MED23: variants seen among roughly 807,000 people sequenced by gnomAD.
MED23 encodes the protein mediator of RNA polymerase II transcription subunit 23.
MED23 carries 105 observed loss-of-function variants against 163.9 expected under a neutral mutation model. The ratio of observed to expected loss-of-function variants is 0.64; its 90% confidence interval spans 0.55 to 0.75. The LOEUF (loss-of-function observed/expected upper bound fraction) is 0.75. MED23 is among the 30% of genes least tolerant of loss of function. MED23 has a pLI of 0.00. For missense variants in MED23, 1,054 were observed against 1,649.0 expected (o/e 0.64, Z 6.25); for synonymous variants, 561 against 565.6 (o/e 0.99, Z 0.12).
chr6:131,590,592 A>C, intron 26 of MED23, 150 bp from the exon 27 acceptor site: 3 of 530,240 alleles, frequency 5.7e-6, no homozygotes, highest in Non-Finnish European at 9.9e-6. Flanking sequence ...AATTAATCTC[A>C]CATCTCTCAC....
rs150938673 is a variant in MED23, at chr6:131,587,149, T to G, written c.*530A>C. 3.7e-4 allele frequency: 452 copies of G among 1,216,708 alleles called. 8 individuals carry two copies. The East Asian group carries it at 0.016, about 43-fold the overall frequency. The allele number at this position is 1,216,708 out of a possible 1,614,324, so 75.4% of individuals were successfully genotyped here. ...ATTTATAATAAAATTTCAAGTCATT[T>G]TAAAAAGAATATGAAGCCTTGTTTG... On this transcript the variant is annotated 3_prime_UTR_variant, in exon 29 of 29. Coordinates refer to ENST00000368068, the MANE Select transcript of MED23 (RefSeq NM_004830.4).
chr6:131,598,522 G>GCCAAATGGAATTGGCAAATT lies in MED23; in HGVS notation c.2426+33_2426+34insAATTTGCCAATTCCATTTGG. 1 of 1,613,516 alleles carries GCCAAATGGAATTGGCAAATT rather than the reference G, an allele frequency of 6.2e-7. No homozygotes were observed. The highest frequency in any genetic ancestry group is 8.5e-7 in the Non-Finnish European group (1 of 1,179,562). ...CATTGTTGTATGGATACAACAATTT[G>GCCAAATGGAATTGGCAAATT]CCAAATGGAATGCAAATTAGGTTTT... On this transcript the variant is annotated intron_variant, in intron 19 of 28. Coordinates refer to ENST00000368068, the MANE Select transcript of MED23 (RefSeq NM_004830.4). This position sits in a 1 kb window ranked among gnomAD's most constrained non-coding sequence, Gnocchi z 4.7.
chr6:131,608,721 A>G (rs1776044194), intron 11 of MED23, among the ~76,000 whole-genome samples: 1 of 152,178 alleles, frequency 6.6e-6, no homozygotes, highest in Non-Finnish European at 1.5e-5. Flanking sequence ...TCTGTACATT[A>G]TAACAGAAAC....
At position 131,624,883 on chromosome 6, in the gene MED23, G is replaced by A; in HGVS notation, c.266C>T (p.Thr89Ile). The change falls in exon 4 of 29, where the codon ACT (threonine) becomes ATT (isoleucine). Residue 89 changes from threonine to isoleucine, a missense_variant. Transcript: ENST00000368068. ...AACGTACCTGGGTGGAAGGAGACCA[G>A]TCTCAACTGCCATTGCTAAGCAGTC... is the stretch of plus-strand genomic sequence containing the variant. ...LYDCLAMAVE[T>I]GLLPPRLVCE... is the part of the protein sequence containing the mutation. 1 of 1,613,894 alleles carries A rather than the reference G, an allele frequency of 6.2e-7. No individual in the cohort carries two copies. Among genetic ancestry groups the A allele is most frequent in the South Asian group, 1.1e-5 (1 of 91,084 alleles).
At chr6:131,608,197 A>T in intron 11 of MED23, 126 bp from the exon 12 acceptor site, 1 of 1,031,500 alleles carries the variant, frequency 9.7e-7, no homozygotes, top group Non-Finnish European at 1.5e-6. Flanking sequence ...GAAAGTCAGC[A>T]TCTAACTTTG....
In MED23 at chr6:131,577,974, G is replaced by T. The variant is rs1237603556; in HGVS notation, c.4096-3679C>A. Among the ~76,000 whole-genome samples, 5 of 151,370 alleles carry T rather than the reference G, an allele frequency of 3.3e-5. No homozygotes were observed. In the South Asian group the frequency reaches 1.0e-3, roughly 32 times the overall value. Reference sequence around the variant, plus strand: ...AAAAACATGGTAGATCTCAAAAGCAGCATGATAAGACAAGAAAGACTACAT... The same window carrying T: ...AAAAACATGGTAGATCTCAAAAGCATCATGATAAGACAAGAAAGACTACAT... On this transcript the variant is annotated intron_variant, in intron 30 of 30. Coordinates refer to the MED23 transcript ENST00000354577.
In MED23 at chr6:131,627,686, A is replaced by AC. The variant is rs548381119; in HGVS notation, c.40-15_40-14insG. ...AACTTCCGTTTTCTGTAAAAAAAAA[A>AC]AAAACAAAATGTAAACAATGTTAAT... is the stretch of plus-strand genomic sequence containing the variant. On this transcript the variant is annotated splice_polypyrimidine_tract_variant and intron_variant, in intron 1 of 28. Coordinates refer to ENST00000368068, the MANE Select transcript of MED23 (RefSeq NM_004830.4). 6.3e-4 allele frequency: 1,016 copies of AC among 1,602,738 alleles called. 5 individuals are homozygous for AC. The African/African-American group carries it at 0.012, about 20-fold the overall frequency.
chr6:131,578,958 T>G, intron 30 of MED23: 1 of 808,060 alleles, frequency 1.2e-6, no homozygotes, highest in Non-Finnish European at 1.9e-6. Context: ...AAAGCAGACA[T>G]GGGTCTACCT....
At chr6:131,583,391 C>T (rs148939143), downstream of MED23, 25 of 1,613,988 alleles carry the variant, frequency 1.5e-5, no homozygotes, top group Admixed American at 1.0e-4. Context: ...TTGATGTTGA[C>T]GGACTGGACC....
intron 4 of MED23, among the ~76,000 whole-genome samples, chr6:131,624,256 C>T (rs1777324346): frequency 6.6e-6 from 1 of 152,188 alleles, no homozygotes; most frequent in Non-Finnish European, 1.5e-5. Flanking sequence ...CAAAAGGATG[C>T]AGTATGACTT....
At chr6:131,627,966 C>T in intron 1 of MED23, 45 bp downstream of exon 1, 1 of 1,613,316 alleles carries the variant, frequency 6.2e-7, no homozygotes, top group Non-Finnish European at 8.5e-7. Flanking sequence ...CCCGCGTCTC[C>T]CCGTCCCCAA....
intron 1 of MED23, 80 bp from the exon 2 acceptor site, chr6:131,627,752 C>T: frequency 7.4e-7 from 1 of 1,344,482 alleles, no homozygotes; most frequent in Non-Finnish European, 1.1e-6. Context: ...TACAATGTAA[C>T]ACAGGGCAAG....
At chr6:131,579,878 C>G (rs1773830686) in intron 30 of MED23, among the ~76,000 whole-genome samples, 1 of 150,530 alleles carries the variant, frequency 6.6e-6, no homozygotes, top group African/African-American at 2.5e-5. Flanking sequence ...GAGAGAGAGA[C>G]AGATGTCTAT....
intron 24 of MED23, 194 bp from the exon 25 acceptor site, chr6:131,592,654 C>T: frequency 1.6e-6 from 1 of 618,696 alleles, no homozygotes; most frequent in Non-Finnish European, 2.8e-6. Flanking sequence ...TTTAAAAATA[C>T]TTCCTCCCCA....
At chr6:131,596,336 T>C in intron 21 of MED23, 173 bp from the exon 22 acceptor site, 1 of 867,672 alleles carries the variant, frequency 1.2e-6, no homozygotes, top group Non-Finnish European at 1.8e-6. Flanking sequence ...AAAACTGCAG[T>C]TTCAATTTAT....
chr6:131,628,082 C>T lies in MED23; in HGVS notation c.-33G>A. 1.2e-6 allele frequency: 2 copies of T among 1,613,052 alleles called. No individual in the cohort carries two copies. Among genetic ancestry groups the T allele is most frequent in the Non-Finnish European group, 1.7e-6 (2 of 1,179,512 alleles). On this transcript the variant is annotated 5_prime_UTR_variant, in exon 1 of 29. Coordinates refer to ENST00000368068, the MANE Select transcript of MED23 (RefSeq NM_004830.4). ...ATCACCCCCGCCTTTCCAGGGTGCC[C>T]GGCAAGGCCCGGATCAGACTCGAGC...
intron 24 of MED23, 156 bp downstream of exon 24, chr6:131,592,850 T>C (rs1031730978): frequency 3.4e-6 from 3 of 885,056 alleles, no homozygotes; most frequent in Admixed American, 2.0e-5. Flanking sequence ...ATTCCATAAC[T>C]CCTATATCAC....
At chr6:131,601,865 T>C (rs1775510222) in intron 17 of MED23, among the ~76,000 whole-genome samples, 2 of 152,082 alleles carry the variant, frequency 1.3e-5, no homozygotes, top group Admixed American at 1.3e-4. Flanking sequence ...ACTTCTTAAT[T>C]TTAATATCTA....
chr6:131,586,888 A>G lies in MED23; in HGVS notation c.*791T>C, dbSNP rs1291172812. 2.1e-6 allele frequency: 3 copies of G among 1,453,546 alleles called. No individual in the cohort carries two copies. The highest frequency in any genetic ancestry group is 2.8e-6 in the Non-Finnish European group (3 of 1,074,224). The allele number at this position is 1,453,546 out of a possible 1,614,324, so 90.0% of individuals were successfully genotyped here. ...ACAAATATAAAATTTAAAAATTTTA[A>G]GATTATAAAAATTGAAGAATTACAT... On this transcript the variant is annotated 3_prime_UTR_variant, in exon 29 of 29. Transcript: ENST00000368068.
Sources: allele counts gnomAD v4.1 joint callset (sites outside exome capture counted in the v4.1 genomes callset), GRCh38; gene constraint gnomAD v4.1.1; non-coding constraint Gnocchi (gnomAD v3.1); transcripts MANE v1.5; gene names NCBI Gene and HGNC (gene_info 2026-07-23, HGNC 2026-07-21).